Variants in AFG2A observed in about 807,000 individuals in gnomAD.
AFG2A encodes ATPase family gene 2 protein homolog A.
chr4:123,077,111 G>A, the AFG2A span, among the ~76,000 whole-genome samples: 9,155 of 147,494 alleles, frequency 0.062, 503 homozygotes, highest in African/African-American at 0.14. Context: ...GCAGTGGCGC[G>A]ATCTCAGCTC....
chr4:122,970,883 G>T, the AFG2A span, among the ~76,000 whole-genome samples: 75 of 152,126 alleles, frequency 4.9e-4, no homozygotes, highest in Non-Finnish European at 7.2e-4. Flanking sequence ...ACCCAGGCTG[G>T]AGTGCAGTGG....
the AFG2A span, among the ~76,000 whole-genome samples, chr4:123,240,582 A>G: frequency 1.3e-5 from 2 of 152,262 alleles, no homozygotes; most frequent in African/African-American, 4.8e-5. Flanking sequence ...GTTTGAAACC[A>G]GTGAGAACAA....
chr4:123,016,898 TCACTCGCAGTTCGGAGCTGGAGA>T, the AFG2A span, among the ~76,000 whole-genome samples: 1 of 152,090 alleles, frequency 6.6e-6, no homozygotes, highest in Admixed American at 6.5e-5. Flanking sequence ...GGCTGGCGGA[TCACTCGCAGTTCGGAGCTGGAGA>T]CCAGCCCGGC....
chr4:122,945,099 T>C, the AFG2A span, among the ~76,000 whole-genome samples: 1 of 152,212 alleles, frequency 6.6e-6, no homozygotes, highest in East Asian at 1.9e-4. Context: ...AGGGACCCAC[T>C]TGAGGAGGCA....
At chr4:123,137,445 A>G in the AFG2A span, among the ~76,000 whole-genome samples, 15 of 152,146 alleles carry the variant, frequency 9.9e-5, no homozygotes, top group African/African-American at 3.1e-4. Flanking sequence ...ACATTTATCA[A>G]TTGTTGCACC....
chr4:123,224,006 T>A, the AFG2A span, among the ~76,000 whole-genome samples: 1 of 152,220 alleles, frequency 6.6e-6, no homozygotes, highest in Non-Finnish European at 1.5e-5. Flanking sequence ...ACCAATGTCA[T>A]TAAGCTTTTC....
chr4:122,947,082 G>T, the AFG2A span: 5 of 585,808 alleles, frequency 8.5e-6, no homozygotes, highest in African/African-American at 9.5e-5. Flanking sequence ...ACTAATAAAA[G>T]TAATTGATAG....
chr4:123,120,564 C>T, the AFG2A span, among the ~76,000 whole-genome samples: 2 of 152,168 alleles, frequency 1.3e-5, no homozygotes, highest in Non-Finnish European at 2.9e-5. Flanking sequence ...ACATTCTAGA[C>T]ACAGTCATGT....
chr4:123,006,648 G>A, the AFG2A span, among the ~76,000 whole-genome samples: 2 of 152,086 alleles, frequency 1.3e-5, no homozygotes, highest in South Asian at 4.1e-4. Flanking sequence ...ATTCCATTCA[G>A]TGCCTTTTAA....
the AFG2A span, among the ~76,000 whole-genome samples, chr4:123,004,282 C>T: frequency 6.6e-6 from 1 of 152,240 alleles, no homozygotes; most frequent in African/African-American, 2.4e-5. Context: ...ATGCCTCGGC[C>T]TGCTTCGGCC....
chr4:123,104,698 G>T, the AFG2A span, among the ~76,000 whole-genome samples: 4 of 152,362 alleles, frequency 2.6e-5, 1 homozygote, highest in South Asian at 8.3e-4. Flanking sequence ...CTGATATGGA[G>T]AAAGTTTTAG....
At chr4:123,211,110 A>T in the AFG2A span, among the ~76,000 whole-genome samples, 1 of 152,186 alleles carries the variant, frequency 6.6e-6, no homozygotes, top group African/African-American at 2.4e-5. Flanking sequence ...CGTTATTTAG[A>T]ATTGTACTCA....
At chr4:122,988,666 G>A in the AFG2A span, among the ~76,000 whole-genome samples, 3 of 151,960 alleles carry the variant, frequency 2.0e-5, no homozygotes, top group African/African-American at 7.3e-5. Context: ...AAGTGCTGGG[G>A]TTACAGGCCT....
the AFG2A span, among the ~76,000 whole-genome samples, chr4:123,218,032 T>G: frequency 6.6e-6 from 1 of 152,206 alleles, no homozygotes; most frequent in Non-Finnish European, 1.5e-5. Context: ...CGAGAAAGTT[T>G]GTTCAAAGTA....
At chr4:122,942,894 C>A in the AFG2A span, among the ~76,000 whole-genome samples, 6 of 151,150 alleles carry the variant, frequency 4.0e-5, no homozygotes, top group Non-Finnish European at 5.9e-5. Context: ...CGTTATGTAC[C>A]CAGTAGTCAT....
At chr4:122,935,341 G>A in the AFG2A span, among the ~76,000 whole-genome samples, 13 of 152,066 alleles carry the variant, frequency 8.5e-5, no homozygotes, top group African/African-American at 3.1e-4. Flanking sequence ...GCAAACGTAT[G>A]TACTCTTCAA....
chr4:123,077,451 T>C, the AFG2A span, among the ~76,000 whole-genome samples: 1 of 152,182 alleles, frequency 6.6e-6, no homozygotes. Flanking sequence ...GGCTAACAAG[T>C]AGCCTTCCAC....
the AFG2A span, among the ~76,000 whole-genome samples, chr4:123,177,192 ATTTT>A: frequency 4.6e-5 from 6 of 130,238 alleles, no homozygotes; most frequent in African/African-American, 1.7e-4. Context: ...GCTTGATTTG[ATTTT>A]TTTTTTTTTT....
the AFG2A span, among the ~76,000 whole-genome samples, chr4:123,074,287 A>G: frequency 6.6e-6 from 1 of 151,542 alleles, no homozygotes; most frequent in Non-Finnish European, 1.5e-5. Context: ...ATAGAGACAG[A>G]GTTTCAGCTG....
Sources: allele counts gnomAD v4.1 joint callset (sites outside exome capture counted in the v4.1 genomes callset), GRCh38; gene constraint gnomAD v4.1.1; transcripts MANE v1.5; gene names NCBI Gene and HGNC (gene_info 2026-07-23, HGNC 2026-07-21).